NR2C2: variants seen among roughly 807,000 people sequenced by gnomAD.
NR2C2 encodes Nuclear hormone receptor TR4.
NR2C2 carries 6 observed loss-of-function variants against 62.9 expected under a neutral mutation model. The ratio of observed to expected loss-of-function variants is 0.10; its 90% CI spans 0.05 to 0.19. The LOEUF is 0.19. Among genes scored for constraint, NR2C2 ranks in the 10% least tolerant of loss-of-function variants. NR2C2 has a pLI of 1.00. For synonymous variants in NR2C2, 272 were observed against 273.8 expected, an observed-to-expected ratio of 0.99 and a Z score of 0.07; for missense variants, 479 against 762.7, an observed-to-expected ratio of 0.63 and a Z score of 4.38.
At position 15,013,235 on chromosome 3, in the gene NR2C2, A is replaced by C. The variant is rs147421651; in HGVS notation, c.73-354A>C. 1.9e-3 allele frequency among the ~76,000 whole-genome samples: 291 copies of C among 152,346 alleles called. 2 individuals are homozygous for C. The highest frequency in any genetic ancestry group is 6.6e-3 in the African/African-American group (273 of 41,580). ...TTTTTGGCTTTTGTGGATCAGTAGC[A>C]TTTCAAAAGAGTTAGGATTGCCTAC... On this transcript the variant is annotated intron_variant, in intron 2 of 13. Coordinates refer to ENST00000425241, the MANE Select transcript of NR2C2 (RefSeq NM_001291694.2).
At chr3:15,000,694 T>A (rs1327641274) in intron 1 of NR2C2, among the ~76,000 whole-genome samples, 6 of 152,176 alleles carry the variant, frequency 3.9e-5, no homozygotes, top group Non-Finnish European at 7.3e-5. Context: ...GATCATTTTG[T>A]CAATTTATGC....
intron 1 of NR2C2, among the ~76,000 whole-genome samples, chr3:14,983,430 A>G (rs2040429274): frequency 6.7e-6 from 1 of 150,350 alleles, no homozygotes; most frequent in Non-Finnish European, 1.5e-5. Flanking sequence ...GTTAATCTCA[A>G]CTTGATAGGT....
intron 1 of NR2C2, among the ~76,000 whole-genome samples, chr3:14,994,150 T>C (rs542676475): frequency 6.6e-6 from 1 of 152,028 alleles, no homozygotes; most frequent in East Asian, 1.9e-4. Flanking sequence ...AATAGTGTTT[T>C]TAAATTTTTG....
chr3:14,996,344 C>G (rs11128729), intron 1 of NR2C2, among the ~76,000 whole-genome samples: 22,362 of 152,094 alleles, frequency 0.15, 1,944 homozygotes, highest in Middle Eastern at 0.21. Context: ...GTTTGAGAGA[C>G]ACATTAGCAC....
At chr3:14,976,602 C>CTTTTTTTTTTTTTTT (rs533538010) in intron 1 of NR2C2, among the ~76,000 whole-genome samples, 18 of 90,728 alleles carry the variant, frequency 2.0e-4, no homozygotes, top group African/African-American at 7.1e-4. Flanking sequence ...TCCTTCCTTC[C>CTTTTTTTTTTTTTTT]TTTTTTTTTT....
Position 15,044,311 on chromosome 3 carries a change from G to T in NR2C2, c.*1303G>T, listed in dbSNP as rs545374561. 2 of 152,274 alleles carry T rather than the reference G, an allele frequency of 1.3e-5. No individual in the cohort carries two copies. Among genetic ancestry groups the T allele is most frequent in the South Asian group, 4.1e-4 (2 of 4,822 alleles). The allele number at this position is 152,274 out of a possible 1,614,324, so 9.4% of individuals were successfully genotyped here. ...ATGTTACCAGCACACTGTGCACTTT[G>T]GTTCCCCCAGGTGTGTGCCAGCCGA... On this transcript the variant is annotated 3_prime_UTR_variant, in exon 14 of 14. Transcript: ENST00000425241.
intron 1 of NR2C2, among the ~76,000 whole-genome samples, chr3:14,979,334 T>C (rs1426326110): frequency 1.3e-5 from 2 of 152,202 alleles, no homozygotes; most frequent in Non-Finnish European, 2.9e-5. Flanking sequence ...TCCAGAAATA[T>C]TTCATTAATG....
At chr3:14,958,636 C>G (rs2125237048) in intron 1 of NR2C2, among the ~76,000 whole-genome samples, 1 of 152,304 alleles carries the variant, frequency 6.6e-6, no homozygotes, top group South Asian at 2.1e-4. Flanking sequence ...AGCTTTATTT[C>G]TTTTCTATAC....
At chr3:15,023,977 A>T (rs948270062) in intron 6 of NR2C2, 138 bp from the exon 7 acceptor site, 3 of 653,968 alleles carry the variant, frequency 4.6e-6, no homozygotes, top group Non-Finnish European at 8.1e-6. Context: ...CTGCTTAGTC[A>T]CTAAGCGGCT....
chr3:14,996,920 A>T (rs1195182463), intron 1 of NR2C2, among the ~76,000 whole-genome samples: 1 of 152,232 alleles, frequency 6.6e-6, no homozygotes, highest in Non-Finnish European at 1.5e-5. Context: ...GGTCTGTCAG[A>T]TTCCATAGCC....
intron 1 of NR2C2, among the ~76,000 whole-genome samples, chr3:14,969,463 G>A (rs1047676243): frequency 1.8e-4 from 28 of 151,936 alleles, no homozygotes; most frequent in Non-Finnish European, 3.7e-4. Context: ...GGCTGGTCTC[G>A]AACTCCTGAC....
chr3:14,953,551 C>T (rs1205102837), intron 1 of NR2C2, among the ~76,000 whole-genome samples: 1 of 152,094 alleles, frequency 6.6e-6, no homozygotes, highest in Non-Finnish European at 1.5e-5. Context: ...AAAAGCTATG[C>T]AGGGGAAAAA....
At chr3:14,973,431 G>A (rs1420780886) in intron 1 of NR2C2, among the ~76,000 whole-genome samples, 1 of 152,012 alleles carries the variant, frequency 6.6e-6, no homozygotes, top group Non-Finnish European at 1.5e-5. Flanking sequence ...ACAGGGTCTT[G>A]CTATGCCGCC....
chr3:14,950,485 C>T (rs1015211660), intron 1 of NR2C2, among the ~76,000 whole-genome samples: 5 of 150,588 alleles, frequency 3.3e-5, no homozygotes, highest in African/African-American at 1.2e-4. Flanking sequence ...GACACACTGG[C>T]CTACCTTCAA....
chr3:14,968,251 C>T (rs1213561486), intron 1 of NR2C2, among the ~76,000 whole-genome samples: 14 of 152,016 alleles, frequency 9.2e-5, no homozygotes, highest in African/African-American at 3.4e-4. Context: ...TGACAAAGGG[C>T]TAATATCCAG....
intron 1 of NR2C2, among the ~76,000 whole-genome samples, chr3:14,983,633 A>G (rs1038137412): frequency 1.3e-5 from 2 of 152,126 alleles, no homozygotes; most frequent in Non-Finnish European, 2.9e-5. Context: ...CCCTCCTATA[A>G]TAATGTATAT....
intron 2 of NR2C2, among the ~76,000 whole-genome samples, chr3:15,011,359 G>A (rs1360812228): frequency 6.6e-6 from 1 of 152,076 alleles, no homozygotes; most frequent in African/African-American, 2.4e-5. Context: ...AAAAAGAATT[G>A]ATAGACATAT....
At chr3:15,038,319 G>A (rs2042160668) in intron 12 of NR2C2, 182 bp downstream of exon 12, 1 of 533,246 alleles carries the variant, frequency 1.9e-6, no homozygotes, top group East Asian at 3.3e-5. Flanking sequence ...TGCCTTTACA[G>A]CCCCAAAGAA....
At chr3:14,991,446 T>C (rs910885043) in intron 1 of NR2C2, among the ~76,000 whole-genome samples, 1 of 152,168 alleles carries the variant, frequency 6.6e-6, no homozygotes, top group African/African-American at 2.4e-5. Flanking sequence ...TAAAGGAGGG[T>C]ATGTGGTACA....
Sources: gnomAD v4.1 joint callset for allele counts (sites outside exome capture counted in the v4.1 genomes callset) on GRCh38, gnomAD v4.1.1 for gene constraint, MANE v1.5 for transcripts, NCBI Gene and HGNC (gene_info 2026-07-23, HGNC 2026-07-21) for gene names.